MAGI2: variants seen among roughly 807,000 people sequenced by gnomAD.
MAGI2 encodes membrane associated guanylate kinase, WW and PDZ domain containing 2, also known as membrane-associated guanylate kinase, WW and PDZ domain-containing protein 2.
MAGI2 carries 35 observed loss-of-function variants against 133.3 expected under a neutral mutation model. The ratio of observed to expected loss-of-function variants is 0.26; its 90% CI spans 0.20 to 0.35. MAGI2 has a LOEUF of 0.35. Ranked by LOEUF, MAGI2 falls within the 10% of genes least tolerant of loss-of-function variation. The pLI, the probability that MAGI2 is intolerant of heterozygous loss-of-function variation, is 1.00. For missense variants in MAGI2, 1,636 were observed against 1,863.4 expected, an observed-to-expected ratio of 0.88 and a Z score of 2.25; for synonymous variants, 729 against 710.6, an observed-to-expected ratio of 1.03 and a Z score of -0.41.
At chr7:78,999,742 G>T (rs956468105) in intron 2 of MAGI2, among the ~76,000 whole-genome samples, 2 of 152,102 alleles carry the variant, frequency 1.3e-5, no homozygotes, top group Non-Finnish European at 2.9e-5. Context: ...AGCCTCCCAG[G>T]CCAGTTTATA....
intron 1 of MAGI2, among the ~76,000 whole-genome samples, chr7:79,315,324 A>AGTTTTTTTTTTTTTT (rs1563107001): frequency 1.2e-5 from 1 of 84,072 alleles, no homozygotes; most frequent in African/African-American, 4.1e-5. Flanking sequence ...ATGCCCAGTT[A>AGTTTTTTTTTTTTTT]ATTTTTTTTT....
chr7:78,938,453 T>C (rs370275004), intron 2 of MAGI2, among the ~76,000 whole-genome samples: 2 of 152,132 alleles, frequency 1.3e-5, no homozygotes, highest in African/African-American at 4.8e-5. Flanking sequence ...AGAGATGATA[T>C]ATATATTTTT....
At chr7:79,186,694 T>C (rs1827175715) in intron 1 of MAGI2, among the ~76,000 whole-genome samples, 3 of 147,108 alleles carry the variant, frequency 2.0e-5, no homozygotes, top group African/African-American at 2.5e-5. Flanking sequence ...AGTATATATA[T>C]TTATACAAAA....
At chr7:78,600,734 T>C (rs114449161) in intron 3 of MAGI2, among the ~76,000 whole-genome samples, 1 of 150,814 alleles carries the variant, frequency 6.6e-6, no homozygotes, top group Non-Finnish European at 1.5e-5. Flanking sequence ...CGAGGGGAGG[T>C]GTGTGTGTGT....
chr7:79,002,860 A>AGTGT (rs4021172), intron 2 of MAGI2, among the ~76,000 whole-genome samples: 10,048 of 133,536 alleles, frequency 0.075, 423 homozygotes, highest in Middle Eastern at 0.14. Flanking sequence ...TTTATTGAAA[A>AGTGT]GTGTGTGTGT....
intron 6 of MAGI2, among the ~76,000 whole-genome samples, chr7:78,437,167 G>T (rs6466220): frequency 6.6e-6 from 1 of 151,944 alleles, no homozygotes; most frequent in African/African-American, 2.4e-5. Flanking sequence ...GAACATTCTC[G>T]TGGTGCTCAT....
chr7:79,197,431 T>A (rs1828181067), intron 1 of MAGI2, among the ~76,000 whole-genome samples: 1 of 152,040 alleles, frequency 6.6e-6, no homozygotes, highest in South Asian at 2.1e-4. Context: ...GTATAGAACC[T>A]CACACTTTGC....
At chr7:79,151,438 G>C (rs76395476) in intron 1 of MAGI2, among the ~76,000 whole-genome samples, 2,517 of 152,166 alleles carry the variant, frequency 0.017, 73 homozygotes, top group African/African-American at 0.057. Context: ...TGTTACGAAA[G>C]CTCCTTATTC....
chr7:78,506,136 A>G (rs1170811237), intron 4 of MAGI2, among the ~76,000 whole-genome samples: 1 of 152,156 alleles, frequency 6.6e-6, no homozygotes, highest in African/African-American at 2.4e-5. Flanking sequence ...GAGCAGTGGA[A>G]AGTTATTTTT....
chr7:78,997,696 T>G (rs1285060603), intron 2 of MAGI2, among the ~76,000 whole-genome samples: 1 of 152,122 alleles, frequency 6.6e-6, no homozygotes, highest in African/African-American at 2.4e-5. Context: ...TTAATTAATC[T>G]GTGTGAAAAA....
chr7:79,088,290 A>T (rs188016339), intron 1 of MAGI2, among the ~76,000 whole-genome samples: 18 of 152,096 alleles, frequency 1.2e-4, no homozygotes, highest in Non-Finnish European at 2.4e-4. Flanking sequence ...ATGGGAATTC[A>T]CTCATGATTT....
intron 6 of MAGI2, among the ~76,000 whole-genome samples, chr7:78,378,740 C>A (rs769198468): frequency 1.3e-5 from 2 of 151,946 alleles, no homozygotes; most frequent in Non-Finnish European, 2.9e-5. Context: ...CAAGCTACTT[C>A]GACCAAGAGA....
intron 1 of MAGI2, among the ~76,000 whole-genome samples, chr7:79,374,636 G>T (rs1389328140): frequency 1.3e-5 from 2 of 151,786 alleles, no homozygotes; most frequent in African/African-American, 4.8e-5. Flanking sequence ...TAATATAATG[G>T]CAACTTATGG....
At chr7:78,951,888 G>T in intron 2 of MAGI2, among the ~76,000 whole-genome samples, 1 of 151,974 alleles carries the variant, frequency 6.6e-6, no homozygotes, top group African/African-American at 2.4e-5. Context: ...CACTGATTAG[G>T]GACCTTACAG....
intron 1 of MAGI2, among the ~76,000 whole-genome samples, chr7:79,146,788 GT>G (rs1023497235): frequency 1.2e-4 from 19 of 152,200 alleles, no homozygotes; most frequent in African/African-American, 4.6e-4. Context: ...CCAGTCTTAG[GT>G]GTGCCTTTAT....
chr7:78,088,312 C>A (rs1300993353), intron 20 of MAGI2, among the ~76,000 whole-genome samples: 1 of 152,126 alleles, frequency 6.6e-6, no homozygotes, highest in Non-Finnish European at 1.5e-5. Context: ...ATTTACATTT[C>A]AACTTTTTAG....
chr7:78,612,379 A>G (rs1806543332), intron 3 of MAGI2, among the ~76,000 whole-genome samples: 1 of 152,150 alleles, frequency 6.6e-6, no homozygotes, highest in African/African-American at 2.4e-5. Flanking sequence ...ACAACATAAG[A>G]AAAACCACGA....
At chr7:78,273,229 G>A (rs1025506361) in intron 9 of MAGI2, among the ~76,000 whole-genome samples, 4 of 152,006 alleles carry the variant, frequency 2.6e-5, no homozygotes, top group African/African-American at 9.7e-5. Flanking sequence ...TGAAATTCTG[G>A]GTTGAAAATT....
chr7:78,495,538 C>T (rs550813051), intron 5 of MAGI2, among the ~76,000 whole-genome samples: 4 of 152,214 alleles, frequency 2.6e-5, no homozygotes, highest in African/African-American at 7.2e-5. Flanking sequence ...AGGCAATGAT[C>T]GGATATATCT....
Sources: gnomAD v4.1 joint callset for allele counts (sites outside exome capture counted in the v4.1 genomes callset) on GRCh38, gnomAD v4.1.1 for gene constraint, MANE v1.5 for transcripts, NCBI Gene and HGNC (gene_info 2026-07-23, HGNC 2026-07-21) for gene names.